Variants in FRMD4B observed in about 807,000 individuals in gnomAD.
FRMD4B encodes the protein FERM domain containing 4B.
A neutral mutation model predicts 141.5 loss-of-function variants in FRMD4B; 74 were observed. That is an observed-to-expected ratio of 0.52 (90% CI 0.43 to 0.63). The LOEUF is 0.63. FRMD4B is among the 30% of genes least tolerant of loss of function. FRMD4B has a pLI of 0.00. For synonymous variants in FRMD4B, 506 were observed against 467.9 expected, an observed-to-expected ratio of 1.08 and a Z score of -1.05; for missense variants, 1,366 against 1,253.4, an observed-to-expected ratio of 1.09 and a Z score of -1.36.
intron 1 of FRMD4B, among the ~76,000 whole-genome samples, chr3:69,517,602 G>C (rs1185399238): frequency 6.6e-6 from 1 of 152,080 alleles, no homozygotes; most frequent in Non-Finnish European, 1.5e-5. Flanking sequence ...CCCAAATAAC[G>C]GATTAATGCA....
intron 2 of FRMD4B, among the ~76,000 whole-genome samples, chr3:69,416,881 T>C (rs1704875635): frequency 6.6e-6 from 1 of 152,230 alleles, no homozygotes; most frequent in African/African-American, 2.4e-5. Flanking sequence ...GGACATGAAC[T>C]CATTCTTTTT....
At chr3:69,191,085 G>A (rs1028523132) in intron 17 of FRMD4B, among the ~76,000 whole-genome samples, 2 of 152,180 alleles carry the variant, frequency 1.3e-5, no homozygotes, top group African/African-American at 2.4e-5. Flanking sequence ...TGTTCTGGTT[G>A]GCAATGGCCA....
At chr3:69,479,911 T>C (rs1212272420) in intron 1 of FRMD4B, among the ~76,000 whole-genome samples, 1 of 152,178 alleles carries the variant, frequency 6.6e-6, no homozygotes, top group Non-Finnish European at 1.5e-5. Flanking sequence ...CGTTTCTTTT[T>C]ATTCTTTTTT....
At chr3:69,349,115 T>C (rs1335863478) in intron 1 of FRMD4B, among the ~76,000 whole-genome samples, 1 of 152,230 alleles carries the variant, frequency 6.6e-6, no homozygotes, top group Non-Finnish European at 1.5e-5. Context: ...GATAAGCAAC[T>C]TCAGCAAAGT....
At chr3:69,327,301 C>G (rs769300411) in intron 1 of FRMD4B, among the ~76,000 whole-genome samples, 1 of 152,118 alleles carries the variant, frequency 6.6e-6, no homozygotes, top group Non-Finnish European at 1.5e-5. Flanking sequence ...TCAAGTGTAA[C>G]TTGTGTGAAG....
chr3:69,505,534 T>C lies in FRMD4B; in HGVS notation c.-129+36672A>G, dbSNP rs140817449. Among the ~76,000 whole-genome samples, 21 of 152,342 alleles carry C rather than the reference T, an allele frequency of 1.4e-4. No individual in the cohort carries two copies. The East Asian group carries it at 3.7e-3, about 27-fold the overall frequency. On this transcript the variant is annotated intron_variant, in intron 1 of 5. Transcript: ENST00000459638. ...AGTGGCAGATAGTCTCTTTAAAGCATCTCACTTTGTCCTTGTAAGTAGGTG... is the reference window on the plus strand; with the variant it reads ...AGTGGCAGATAGTCTCTTTAAAGCACCTCACTTTGTCCTTGTAAGTAGGTG...
chr3:69,213,920 C>A (rs767997889), intron 11 of FRMD4B, among the ~76,000 whole-genome samples: 4 of 151,872 alleles, frequency 2.6e-5, no homozygotes, highest in Non-Finnish European at 5.9e-5. Flanking sequence ...TTAAGTAGTC[C>A]TCCCATCTTG....
chr3:69,470,710 T>C (rs1325527710), intron 1 of FRMD4B, among the ~76,000 whole-genome samples: 1 of 152,140 alleles, frequency 6.6e-6, no homozygotes, highest in Admixed American at 6.6e-5. Flanking sequence ...GCAGTTTCAG[T>C]AACCAGGCTC....
At chr3:69,348,835 C>G (rs1461270272) in intron 1 of FRMD4B, among the ~76,000 whole-genome samples, 1 of 152,160 alleles carries the variant, frequency 6.6e-6, no homozygotes, top group African/African-American at 2.4e-5. Flanking sequence ...GGATGTATCT[C>G]AAAATAATAA....
chr3:69,527,977 G>C (rs1470125640), intron 1 of FRMD4B, among the ~76,000 whole-genome samples: 3 of 152,178 alleles, frequency 2.0e-5, no homozygotes, highest in African/African-American at 7.2e-5. Flanking sequence ...GACACTGATA[G>C]AGGCAAGATC....
intron 7 of FRMD4B, among the ~76,000 whole-genome samples, chr3:69,226,676 A>C (rs894639884): frequency 2.6e-5 from 4 of 152,094 alleles, no homozygotes; most frequent in Admixed American, 6.6e-5. Context: ...GGCAATGGAG[A>C]CCTCACTAGA....
At position 69,468,250 on chromosome 3, in the gene FRMD4B, A is replaced by G. The variant is rs141293580; in HGVS notation, c.-128-35489T>C. Among the ~76,000 whole-genome samples the G allele has an allele frequency of 1.1e-4, 16 of 152,168 alleles. No homozygotes were observed. In the East Asian group the frequency reaches 2.5e-3, roughly 24 times the overall value. On this transcript the variant is annotated intron_variant, in intron 1 of 5. Transcript: ENST00000459638. ...CCTCATGAACTCCCAACAATCATCA[A>G]TTCATGAATAGTCTTGTTCGGACTA...
chr3:69,324,167 G>A (rs1702105789), intron 1 of FRMD4B, among the ~76,000 whole-genome samples: 1 of 152,180 alleles, frequency 6.6e-6, no homozygotes, highest in South Asian at 2.1e-4. Context: ...TCCACCTGTT[G>A]GGATGCTTCC....
At chr3:69,525,919 A>G (rs1422575648) in intron 1 of FRMD4B, among the ~76,000 whole-genome samples, 1 of 151,622 alleles carries the variant, frequency 6.6e-6, no homozygotes, top group Admixed American at 6.6e-5. Context: ...TTGGCCTCTC[A>G]AAGTGCTAGG....
intron 1 of FRMD4B, among the ~76,000 whole-genome samples, chr3:69,502,509 T>C (rs1706515162): frequency 6.6e-6 from 1 of 152,158 alleles, no homozygotes; most frequent in Admixed American, 6.5e-5. Flanking sequence ...ATCCCTTTCT[T>C]ACACCTTATA....
At chr3:69,183,214 T>G (rs376147053) in intron 19 of FRMD4B, among the ~76,000 whole-genome samples, 1 of 152,322 alleles carries the variant, frequency 6.6e-6, no homozygotes, top group South Asian at 2.1e-4. Flanking sequence ...AGAATGGGTG[T>G]GGCTGTGTTC....
intron 1 of FRMD4B, among the ~76,000 whole-genome samples, chr3:69,335,561 C>T (rs1702518131): frequency 6.6e-6 from 1 of 151,182 alleles, no homozygotes; most frequent in African/African-American, 2.4e-5. Context: ...TGTGATCTGC[C>T]CACCTCGGCT....
chr3:69,200,454 A>C (rs2092954324), intron 11 of FRMD4B: 1 of 993,286 alleles, frequency 1.0e-6, no homozygotes, highest in Admixed American at 5.8e-5. Context: ...ATGTGAGGAA[A>C]AACCTCAGGG....
At chr3:69,436,391 T>C (rs1315671880) in intron 1 of FRMD4B, among the ~76,000 whole-genome samples, 1 of 152,122 alleles carries the variant, frequency 6.6e-6, no homozygotes, top group African/African-American at 2.4e-5. Flanking sequence ...CACAATGAGA[T>C]ACCATTTCAC....
Sources: gnomAD v4.1 joint callset for allele counts (sites outside exome capture counted in the v4.1 genomes callset) on GRCh38, gnomAD v4.1.1 for gene constraint, MANE v1.5 for transcripts, NCBI Gene and HGNC (gene_info 2026-07-23, HGNC 2026-07-21) for gene names.